CTNND2: variants seen among roughly 807,000 people sequenced by gnomAD.
CTNND2 encodes catenin delta 2.
In CTNND2, 22 loss-of-function variants were observed where a neutral mutation model predicts 144.4. The ratio of observed to expected loss-of-function variants is 0.15; its 90% CI spans 0.11 to 0.22. CTNND2 has a LOEUF of 0.22. Ranked by LOEUF, CTNND2 falls within the 10% of genes least tolerant of loss-of-function variation. The probability of loss-of-function intolerance (pLI) is 1.00; values close to 1 mark genes in which losing one functional copy is unlikely to be tolerated. For synonymous variants in CTNND2, 751 were observed against 695.6 expected, an observed-to-expected ratio of 1.08 and a Z score of -1.25; for missense variants, 1,353 against 1,618.8, an observed-to-expected ratio of 0.84 and a Z score of 2.82.
At chr5:11,654,794 G>A (rs564609130) in intron 2 of CTNND2, among the ~76,000 whole-genome samples, 1 of 151,984 alleles carries the variant, frequency 6.6e-6, no homozygotes, top group South Asian at 2.1e-4. Flanking sequence ...AATAGAAGTG[G>A]TAAGAATGGG....
intron 3 of CTNND2, among the ~76,000 whole-genome samples, chr5:11,551,359 A>G (rs1377464225): frequency 1.4e-5 from 2 of 142,970 alleles, no homozygotes; most frequent in East Asian, 4.0e-4. Flanking sequence ...CCCCAGCACC[A>G]CTTACTGGTT....
intron 19 of CTNND2, among the ~76,000 whole-genome samples, chr5:10,989,734 G>C (rs952456124): frequency 6.6e-6 from 1 of 152,202 alleles, no homozygotes; most frequent in African/African-American, 2.4e-5. Context: ...CAGACATGCA[G>C]ATCACGTGGC....
intron 2 of CTNND2, among the ~76,000 whole-genome samples, chr5:11,727,292 C>A (rs1373980763): frequency 6.6e-6 from 1 of 152,138 alleles, no homozygotes; most frequent in Non-Finnish European, 1.5e-5. Flanking sequence ...ACTCTAAACA[C>A]CCCATCTGGT....
chr5:11,202,038 G>C (rs1186954229), intron 10 of CTNND2, among the ~76,000 whole-genome samples: 1 of 152,134 alleles, frequency 6.6e-6, no homozygotes, highest in East Asian at 1.9e-4. Context: ...GTGTGATTTA[G>C]TTCAAAGTTC....
intron 2 of CTNND2, among the ~76,000 whole-genome samples, chr5:11,666,922 C>T (rs1425292208): frequency 2.6e-5 from 4 of 151,986 alleles, no homozygotes; most frequent in African/African-American, 9.7e-5. Flanking sequence ...TCCCCCAGCC[C>T]CCACCCCCTG....
At chr5:11,399,242 C>G (rs375095802) in intron 5 of CTNND2, among the ~76,000 whole-genome samples, 12 of 152,164 alleles carry the variant, frequency 7.9e-5, no homozygotes, top group East Asian at 1.9e-4. Context: ...TCTCCTCCCC[C>G]CTTGAGATAG....
At chr5:11,802,979 A>G (rs1466713135) in intron 1 of CTNND2, among the ~76,000 whole-genome samples, 1 of 152,190 alleles carries the variant, frequency 6.6e-6, no homozygotes, top group Admixed American at 6.5e-5. Flanking sequence ...GAATATTCTC[A>G]AAAGTTTGTT....
chr5:11,094,924 T>C (rs1399160210), intron 15 of CTNND2, among the ~76,000 whole-genome samples: 5 of 152,222 alleles, frequency 3.3e-5, no homozygotes, highest in Non-Finnish European at 7.3e-5. Flanking sequence ...CGCTTAGCAG[T>C]AGAGAAATTT....
chr5:11,406,470 C>T (rs779345034), intron 5 of CTNND2, among the ~76,000 whole-genome samples: 1 of 152,118 alleles, frequency 6.6e-6, no homozygotes, highest in Non-Finnish European at 1.5e-5. Flanking sequence ...GAAAAATTTA[C>T]TCTCCTAAGA....
intron 2 of CTNND2, among the ~76,000 whole-genome samples, chr5:11,715,743 C>T (rs1239915126): frequency 6.6e-6 from 1 of 152,072 alleles, no homozygotes; most frequent in East Asian, 1.9e-4. Flanking sequence ...CATCCAAGTG[C>T]CAAATACATG....
intron 16 of CTNND2, among the ~76,000 whole-genome samples, chr5:11,028,526 T>C (rs1478546301): frequency 1.3e-5 from 2 of 152,122 alleles, no homozygotes; most frequent in Non-Finnish European, 2.9e-5. Flanking sequence ...TTTAAACAAC[T>C]CCCCAACCCT....
chr5:11,381,906 A>T lies in CTNND2; in HGVS notation c.1177+2759T>A, dbSNP rs140393687. 8.9e-3 allele frequency among the ~76,000 whole-genome samples: 1,357 copies of T among 152,238 alleles called. 8 individuals carry two copies. Among genetic ancestry groups the T allele is most frequent in the South Asian group, 0.011 (54 of 4,822 alleles). ...GGCGTAAACCTGGGAGGCGGAGCTG[A>T]TAGTGAGCCAAGATCACGCCACGGC... On this transcript the variant is annotated intron_variant, in intron 7 of 21. Transcript: ENST00000304623.
At chr5:11,625,424 G>A (rs201342406) in intron 2 of CTNND2, among the ~76,000 whole-genome samples, 1 of 90,114 alleles carries the variant, frequency 1.1e-5, no homozygotes, top group Non-Finnish European at 2.5e-5. Flanking sequence ...TCTCTCTCTC[G>A]CTCTCTAGCC....
At chr5:11,685,813 G>A (rs973071446) in intron 2 of CTNND2, among the ~76,000 whole-genome samples, 1 of 152,178 alleles carries the variant, frequency 6.6e-6, no homozygotes, top group Non-Finnish European at 1.5e-5. Context: ...CAGTCTAGAG[G>A]TGAGGAAATG....
intron 3 of CTNND2, among the ~76,000 whole-genome samples, chr5:11,501,177 A>C (rs2150009101): frequency 6.6e-6 from 1 of 152,374 alleles, no homozygotes; most frequent in South Asian, 2.1e-4. Context: ...AACACAGCTA[A>C]TGCTAGAAAA....
chr5:11,207,567 T>C (rs1314237102), intron 10 of CTNND2, among the ~76,000 whole-genome samples: 1 of 152,174 alleles, frequency 6.6e-6, no homozygotes, highest in African/African-American at 2.4e-5. Context: ...TTCTCTGAAT[T>C]CTGATCTTTC....
intron 2 of CTNND2, among the ~76,000 whole-genome samples, chr5:11,625,364 A>G (rs531695202): frequency 2.0e-5 from 3 of 151,110 alleles, no homozygotes; most frequent in Admixed American, 2.0e-4. Flanking sequence ...TGATGCTGGA[A>G]CAACTGGGTA....
intron 3 of CTNND2, among the ~76,000 whole-genome samples, chr5:11,525,007 T>C (rs973625664): frequency 6.6e-6 from 1 of 152,210 alleles, no homozygotes; most frequent in African/African-American, 2.4e-5. Flanking sequence ...ATCGAATATT[T>C]AACTAACTTT....
intron 8 of CTNND2, among the ~76,000 whole-genome samples, chr5:11,362,169 A>G (rs1756520154): frequency 2.0e-5 from 3 of 151,770 alleles, no homozygotes; most frequent in Admixed American, 6.6e-5. Flanking sequence ...TATGTACAAC[A>G]CAGATGACCC....
Sources: allele counts gnomAD v4.1 joint callset (sites outside exome capture counted in the v4.1 genomes callset), GRCh38; gene constraint gnomAD v4.1.1; transcripts MANE v1.5; gene names NCBI Gene and HGNC (gene_info 2026-07-23, HGNC 2026-07-21).